The following SPOCK1 variants were observed in gnomAD, a reference collection of about 807,000 sequenced individuals.
The protein encoded by SPOCK1 is testican-1.
A neutral mutation model predicts 55.3 loss-of-function variants in SPOCK1; 23 were observed. The observed-to-expected ratio is 0.42, with a 90% confidence interval of 0.30 to 0.59. SPOCK1 has a LOEUF of 0.59. Ranked by LOEUF, SPOCK1 falls within the 20% of genes least tolerant of loss-of-function variation. The probability of loss-of-function intolerance (pLI) is 0.22; values close to 1 mark genes in which losing one functional copy is unlikely to be tolerated. For missense variants in SPOCK1, 499 were observed against 552.5 expected, an observed-to-expected ratio of 0.90 and a Z score of 0.97; for synonymous variants, 226 against 221.0, an observed-to-expected ratio of 1.02 and a Z score of -0.20.
chr5:137,364,409 T>C (rs1424296110), intron 2 of SPOCK1, among the ~76,000 whole-genome samples: 3 of 152,192 alleles, frequency 2.0e-5, no homozygotes, highest in African/African-American at 4.8e-5. Flanking sequence ...AGTGACCTGA[T>C]AGAAGAATCT....
chr5:137,251,745 TAGAC>T (rs1173448161), intron 3 of SPOCK1, among the ~76,000 whole-genome samples: 2 of 152,182 alleles, frequency 1.3e-5, no homozygotes, highest in African/African-American at 4.8e-5. Flanking sequence ...AATGTTTAGA[TAGAC>T]AGCATAAAAA....
chr5:136,991,673 A>C (rs1367580629), intron 7 of SPOCK1, among the ~76,000 whole-genome samples: 1 of 152,250 alleles, frequency 6.6e-6, no homozygotes, highest in Non-Finnish European at 1.5e-5. Flanking sequence ...TGGCCAAACT[A>C]CATATATCAA....
chr5:137,277,336 G>A (rs1336505786), intron 2 of SPOCK1, among the ~76,000 whole-genome samples: 2 of 152,176 alleles, frequency 1.3e-5, no homozygotes, highest in Non-Finnish European at 2.9e-5. Context: ...AAGCATCTCA[G>A]TGTTATAGTT....
intron 9 of SPOCK1, among the ~76,000 whole-genome samples, chr5:136,982,315 T>G (rs943729767): frequency 6.6e-5 from 10 of 152,248 alleles, no homozygotes; most frequent in Non-Finnish European, 1.5e-4. Flanking sequence ...TACCCTCATT[T>G]AATTTCAACT....
chr5:137,086,959 A>G (rs1752971851), intron 5 of SPOCK1, among the ~76,000 whole-genome samples: 1 of 152,190 alleles, frequency 6.6e-6, no homozygotes, highest in Admixed American at 6.5e-5. Context: ...GATTTGCCCA[A>G]GGTCACCGGG....
intron 2 of SPOCK1, among the ~76,000 whole-genome samples, chr5:137,299,274 G>A (rs974718635): frequency 6.6e-6 from 1 of 152,002 alleles, no homozygotes; most frequent in African/African-American, 2.4e-5. Context: ...TGTTCCTACA[G>A]GCTATTGCTG....
chr5:137,339,094 C>T (rs1750356455), intron 2 of SPOCK1, among the ~76,000 whole-genome samples: 1 of 152,212 alleles, frequency 6.6e-6, no homozygotes, highest in Non-Finnish European at 1.5e-5. Flanking sequence ...CCACACAGCA[C>T]ACATAACCCC....
chr5:137,268,124 C>T (rs528052658), intron 2 of SPOCK1, among the ~76,000 whole-genome samples: 20 of 152,280 alleles, frequency 1.3e-4, no homozygotes, highest in African/African-American at 4.3e-4. Flanking sequence ...ATCTCTGACA[C>T]GATCTCCTGT....
chr5:137,287,240 C>G (rs147893386), intron 2 of SPOCK1, among the ~76,000 whole-genome samples: 110 of 152,304 alleles, frequency 7.2e-4, no homozygotes, highest in African/African-American at 2.5e-3. Flanking sequence ...AGAAGACAGC[C>G]GGGGTCCAGT....
intron 2 of SPOCK1, among the ~76,000 whole-genome samples, chr5:137,331,404 A>T (rs1166994444): frequency 6.6e-6 from 1 of 152,188 alleles, no homozygotes; most frequent in East Asian, 1.9e-4. Context: ...TCAGACCCTC[A>T]CTAGGGCCCA....
At chr5:137,431,483 T>C (rs1412110365) in intron 2 of SPOCK1, among the ~76,000 whole-genome samples, 1 of 152,188 alleles carries the variant, frequency 6.6e-6, no homozygotes, top group Admixed American at 6.5e-5. Flanking sequence ...ATGATTTGGA[T>C]ATGGTTTGTT....
chr5:137,019,834 G>C (rs956378988), intron 6 of SPOCK1, among the ~76,000 whole-genome samples: 9 of 151,944 alleles, frequency 5.9e-5, no homozygotes, highest in Middle Eastern at 3.2e-3. Flanking sequence ...GTAAAACCAA[G>C]CAAAACATAA....
intron 3 of SPOCK1, among the ~76,000 whole-genome samples, chr5:137,167,100 G>T (rs1300530043): frequency 6.6e-6 from 1 of 151,940 alleles, no homozygotes; most frequent in African/African-American, 2.4e-5. Context: ...GACACACATA[G>T]ACTGAAAATA....
chr5:137,451,625 G>A (rs551448390), intron 2 of SPOCK1, among the ~76,000 whole-genome samples: 138 of 152,218 alleles, frequency 9.1e-4, no homozygotes, highest in African/African-American at 3.1e-3. Context: ...GCAACATCTT[G>A]GTAAATCTCA....
chr5:137,243,273 T>A (rs1052883556), intron 3 of SPOCK1, among the ~76,000 whole-genome samples: 1 of 152,134 alleles, frequency 6.6e-6, no homozygotes, highest in Non-Finnish European at 1.5e-5. Context: ...ATGCCCATAA[T>A]CGGCGGCTAT....
chr5:136,996,884 C>T (rs949185724), intron 6 of SPOCK1, among the ~76,000 whole-genome samples: 1 of 152,102 alleles, frequency 6.6e-6, no homozygotes, highest in Non-Finnish European at 1.5e-5. Flanking sequence ...CCTCTCGGTT[C>T]CCCTTCCACA....
At chr5:137,031,657 A>G (rs1215497646) in intron 6 of SPOCK1, among the ~76,000 whole-genome samples, 1 of 152,174 alleles carries the variant, frequency 6.6e-6, no homozygotes, top group Non-Finnish European at 1.5e-5. Context: ...ATTCCTTCTA[A>G]CAAATACAAA....
In SPOCK1 at chr5:137,204,854, A is replaced by T. The variant is rs1302876125; in HGVS notation, c.232+62156T>A. 2.0e-5 allele frequency among the ~76,000 whole-genome samples: 3 copies of T among 151,930 alleles called. No individual in the cohort carries two copies. The East Asian group carries it at 5.8e-4, about 29-fold the overall frequency. The stretch of plus-strand genomic sequence containing the variant: ...CCCTCACTGTATATACCCTAGAAGC[A>T]CTCGCCTCTGCTTCTCGAGCATGCT... On this transcript the variant is annotated intron_variant, in intron 3 of 10. Coordinates refer to ENST00000394945, the MANE Select transcript of SPOCK1 (RefSeq NM_004598.4).
At chr5:137,302,291 T>TGG (rs1355876301) in intron 2 of SPOCK1, among the ~76,000 whole-genome samples, 1 of 152,010 alleles carries the variant, frequency 6.6e-6, no homozygotes, top group Non-Finnish European at 1.5e-5. Context: ...GTTTATAGGC[T>TGG]GGGCGCGGTG....
Sources: allele counts gnomAD v4.1 joint callset (sites outside exome capture counted in the v4.1 genomes callset), GRCh38; gene constraint gnomAD v4.1.1; transcripts MANE v1.5; gene names NCBI Gene and HGNC (gene_info 2026-07-23, HGNC 2026-07-21).